PTPN4: variants seen among roughly 807,000 people sequenced by gnomAD.
PTPN4 encodes the protein protein tyrosine phosphatase non-receptor type 4, also known as tyrosine-protein phosphatase non-receptor type 4.
A neutral mutation model predicts 135.5 loss-of-function variants in PTPN4; 49 were observed. The observed-to-expected ratio is 0.36, with a 90% CI of 0.29 to 0.46. PTPN4 has a LOEUF of 0.46. Among genes scored for constraint, PTPN4 ranks in the 20% least tolerant of loss-of-function variants. The probability of loss-of-function intolerance (pLI) is 1.00; values close to 1 mark genes in which losing one functional copy is unlikely to be tolerated. For synonymous variants in PTPN4, 333 were observed against 369.9 expected (o/e 0.90, Z 1.14); for missense variants, 860 against 1,101.0 (o/e 0.78, Z 3.10).
chr2:119,845,610 TG>T (rs1677485911), intron 2 of PTPN4, among the ~76,000 whole-genome samples: 1 of 152,130 alleles, frequency 6.6e-6, no homozygotes, highest in Non-Finnish European at 1.5e-5. Flanking sequence ...ACTCTTTTTT[TG>T]TTCTTTCTCA....
chr2:119,823,427 G>A (rs555890030), intron 2 of PTPN4, among the ~76,000 whole-genome samples: 1 of 151,996 alleles, frequency 6.6e-6, no homozygotes, highest in African/African-American at 2.4e-5. Flanking sequence ...CAGAGATGGG[G>A]TTTCACCATA....
At chr2:119,798,958 GTTATGATTGCT>G (rs1691313304) in intron 1 of PTPN4, among the ~76,000 whole-genome samples, 1 of 152,156 alleles carries the variant, frequency 6.6e-6, no homozygotes. Context: ...TTGATATATC[GTTATGATTGCT>G]TTATCGAATG....
rs1163531399 is a variant in PTPN4 at position 119,851,669 on chromosome 2, C to T, written c.139-10867C>T. 2.0e-5 allele frequency among the ~76,000 whole-genome samples: 3 copies of T among 152,222 alleles called. No individual in the cohort carries two copies. The East Asian group carries it at 5.8e-4, about 29-fold the overall frequency. On this transcript the variant is annotated intron_variant, in intron 2 of 26. Coordinates refer to ENST00000263708, the MANE Select transcript of PTPN4 (RefSeq NM_002830.4). Reference sequence around the variant, plus strand: ...CTCTGCTATTTTGTCTCTTAATGCACATGCCTGGGTTCCCTCACCCAACAC... The same window carrying T: ...CTCTGCTATTTTGTCTCTTAATGCATATGCCTGGGTTCCCTCACCCAACAC...
chr2:119,887,316 A>T (rs1354310750), intron 9 of PTPN4, among the ~76,000 whole-genome samples: 1 of 152,102 alleles, frequency 6.6e-6, no homozygotes, highest in Non-Finnish European at 1.5e-5. Context: ...TAATGAGATC[A>T]CATCTCTACA....
chr2:119,950,040 A>C (rs1199602484), intron 18 of PTPN4, among the ~76,000 whole-genome samples: 1 of 152,226 alleles, frequency 6.6e-6, no homozygotes, highest in Non-Finnish European at 1.5e-5. Context: ...CATATTAACT[A>C]TAAGAGAGTT....
chr2:119,832,518 C>G (rs1014217979), intron 2 of PTPN4, among the ~76,000 whole-genome samples: 1 of 151,996 alleles, frequency 6.6e-6, no homozygotes, highest in African/African-American at 2.4e-5. Flanking sequence ...AGGATATTCT[C>G]ACATAATTTC....
chr2:119,860,761 C>T (rs990183440), intron 2 of PTPN4, among the ~76,000 whole-genome samples: 18 of 152,224 alleles, frequency 1.2e-4, no homozygotes, highest in African/African-American at 4.1e-4. Context: ...GGTTTATTGG[C>T]TAGGCGCGGT....
At chr2:119,805,832 C>T (rs1342305196) in intron 1 of PTPN4, among the ~76,000 whole-genome samples, 1 of 152,122 alleles carries the variant, frequency 6.6e-6, no homozygotes, top group Non-Finnish European at 1.5e-5. Context: ...TCATTGTTAG[C>T]TTGATGGGGA....
chr2:119,924,942 G>A (rs1484815387), intron 12 of PTPN4, among the ~76,000 whole-genome samples: 2 of 152,146 alleles, frequency 1.3e-5, no homozygotes, highest in South Asian at 2.1e-4. Context: ...ACATGGTTAT[G>A]GAGAAAAAAA....
At chr2:119,897,260 T>C (rs2105012794) in intron 9 of PTPN4, among the ~76,000 whole-genome samples, 1 of 152,210 alleles carries the variant, frequency 6.6e-6, no homozygotes, top group South Asian at 2.1e-4. Context: ...ATGATCTTGG[T>C]CTAGCTTTGA....
At chr2:119,923,527 T>A (rs1037973968) in intron 12 of PTPN4, among the ~76,000 whole-genome samples, 16 of 152,118 alleles carry the variant, frequency 1.1e-4, no homozygotes, top group African/African-American at 3.9e-4. Flanking sequence ...AAAGTCAACA[T>A]ATAGACATTA....
chr2:119,802,604 G>T (rs1691396962), intron 1 of PTPN4, among the ~76,000 whole-genome samples: 1 of 152,078 alleles, frequency 6.6e-6, no homozygotes, highest in African/African-American at 2.4e-5. Flanking sequence ...TTTACATATT[G>T]CTGAATTCTG....
At chr2:119,796,095 A>G (rs899764) in intron 1 of PTPN4, among the ~76,000 whole-genome samples, 150,637 of 152,254 alleles carry the variant, frequency 0.99, 74,543 homozygotes, top group Middle Eastern at 1. Context: ...ATGCGAGGGC[A>G]GGGGTGGCCC....
chr2:119,874,921 G>C (rs1427152098), intron 3 of PTPN4, among the ~76,000 whole-genome samples: 2 of 152,096 alleles, frequency 1.3e-5, no homozygotes, highest in African/African-American at 4.8e-5. Context: ...TTCTTCTCAC[G>C]TGTGTGTCAT....
chr2:119,935,054 T>C (rs1167318361), intron 15 of PTPN4, 96 bp downstream of exon 15: 16 of 1,358,788 alleles, frequency 1.2e-5, no homozygotes, highest in Non-Finnish European at 1.5e-5. Context: ...CGATACAAGA[T>C]TTTAATTATG....
intron 9 of PTPN4, among the ~76,000 whole-genome samples, chr2:119,896,090 A>G (rs1267958610): frequency 2.0e-5 from 3 of 152,238 alleles, no homozygotes; most frequent in Non-Finnish European, 4.4e-5. Flanking sequence ...ACAGGTATGT[A>G]TATCTTACTG....
chr2:119,883,499 G>A (rs1180451492), intron 8 of PTPN4, among the ~76,000 whole-genome samples: 1 of 151,994 alleles, frequency 6.6e-6, no homozygotes, highest in Non-Finnish European at 1.5e-5. Flanking sequence ...AAAGAGATTT[G>A]TTGCCTTGAA....
chr2:119,981,062 G>A lies in PTPN4; in HGVS notation c.*3992G>A, dbSNP rs904657455. ...GTATTTTGAACATTTAAAATACTCT[G>A]ATGGTAAGGTTGCCAAAGTAATTTT... On this transcript the variant is annotated 3_prime_UTR_variant, in exon 27 of 27. Coordinates refer to ENST00000263708, the MANE Select transcript of PTPN4 (RefSeq NM_002830.4). 7 of 152,004 alleles carry A rather than the reference G, an allele frequency of 4.6e-5. No individual in the cohort carries two copies. The highest frequency in any genetic ancestry group is 1.5e-5 in the Non-Finnish European group (1 of 67,908). 9.4% of individuals were successfully genotyped at this position (152,004 alleles called of 1,614,324 possible). A position where few individuals can be genotyped will look rare whatever the true frequency, so the allele number is the denominator to read the frequency against.
intron 20 of PTPN4, 64 bp from the exon 21 acceptor site, chr2:119,956,780 G>C: frequency 1.9e-6 from 3 of 1,573,728 alleles, no homozygotes; most frequent in Non-Finnish European, 2.6e-6. Context: ...AAACAAGTCT[G>C]GTAAACAAAA....
Sources: gnomAD v4.1 joint callset for allele counts (sites outside exome capture counted in the v4.1 genomes callset) on GRCh38, gnomAD v4.1.1 for gene constraint, MANE v1.5 for transcripts, NCBI Gene and HGNC (gene_info 2026-07-23, HGNC 2026-07-21) for gene names.